Variants in FBXL17 observed in about 807,000 individuals in gnomAD.
FBXL17 encodes F-box/LRR-repeat protein 17.
A neutral mutation model predicts 66.2 loss-of-function variants in FBXL17; 22 were observed. The observed-to-expected ratio is 0.33, with a 90% CI of 0.24 to 0.47. The LOEUF (loss-of-function observed/expected upper bound fraction) is 0.47. Ranked by LOEUF, FBXL17 falls within the 20% of genes least tolerant of loss-of-function variation. The probability of loss-of-function intolerance (pLI) is 1.00; values close to 1 mark genes in which losing one functional copy is unlikely to be tolerated. For synonymous variants in FBXL17, 474 were observed against 400.5 expected, an observed-to-expected ratio of 1.18 and a Z score of -2.19; for missense variants, 878 against 948.2, an observed-to-expected ratio of 0.93 and a Z score of 0.97.
At chr5:108,200,134 C>T (rs1753831061) in intron 5 of FBXL17, among the ~76,000 whole-genome samples, 1 of 152,092 alleles carries the variant, frequency 6.6e-6, no homozygotes, top group African/African-American at 2.4e-5. Flanking sequence ...GCTGGAACCA[C>T]GGAGGAGACA....
At chr5:108,197,204 C>T (rs1425563136) in intron 5 of FBXL17, among the ~76,000 whole-genome samples, 1 of 152,142 alleles carries the variant, frequency 6.6e-6, no homozygotes, top group Admixed American at 6.6e-5. Context: ...AGCCTTGTCA[C>T]TTTTTTACCC....
chr5:108,112,208 G>T (rs1168598227), intron 6 of FBXL17, among the ~76,000 whole-genome samples: 1 of 149,348 alleles, frequency 6.7e-6, no homozygotes, highest in Admixed American at 6.8e-5. Flanking sequence ...TGAGTCTTTG[G>T]TTGAATACTG....
chr5:108,161,149 A>T (rs938395562), intron 6 of FBXL17, among the ~76,000 whole-genome samples: 3 of 120,894 alleles, frequency 2.5e-5, no homozygotes, highest in Non-Finnish European at 5.1e-5. Context: ...GGGAATAATT[A>T]ATCAACAAAT....
intron 6 of FBXL17, among the ~76,000 whole-genome samples, chr5:108,162,437 A>C (rs955289938): frequency 1.3e-5 from 2 of 152,178 alleles, no homozygotes; most frequent in African/African-American, 4.8e-5. Flanking sequence ...TCAAGGTTAC[A>C]GTGACGTATG....
intron 7 of FBXL17, among the ~76,000 whole-genome samples, chr5:107,907,161 C>G (rs1749787545): frequency 6.6e-6 from 1 of 152,174 alleles, no homozygotes; most frequent in South Asian, 2.1e-4. Flanking sequence ...ACCATACCAT[C>G]CATTTACACT....
chr5:108,364,447 G>A (rs936153489), intron 3 of FBXL17, among the ~76,000 whole-genome samples: 5 of 151,792 alleles, frequency 3.3e-5, no homozygotes, highest in African/African-American at 9.7e-5. Flanking sequence ...CCAAAACTAC[G>A]CAGTTGCCCA....
chr5:108,257,387 C>T (rs942327732), intron 4 of FBXL17, among the ~76,000 whole-genome samples: 1 of 151,970 alleles, frequency 6.6e-6, no homozygotes, highest in African/African-American at 2.4e-5. Context: ...ATACATCCAC[C>T]ATGATGAAAC....
At chr5:108,246,787 A>G (rs545734422) in intron 4 of FBXL17, among the ~76,000 whole-genome samples, 1 of 152,366 alleles carries the variant, frequency 6.6e-6, no homozygotes, top group African/African-American at 2.4e-5. Context: ...AGAAAAGATT[A>G]TATGTTAATC....
At position 108,288,785 on chromosome 5, in the gene FBXL17, G is replaced by C. The variant is rs1405352875; in HGVS notation, c.1506+59614C>G. Among the ~76,000 whole-genome samples the C allele has an allele frequency of 3.3e-5, 5 of 152,070 alleles. No homozygotes were observed. The East Asian group carries it at 9.7e-4, about 29-fold the overall frequency. On this transcript the variant is annotated intron_variant, in intron 4 of 8. Coordinates refer to ENST00000542267, the MANE Select transcript of FBXL17 (RefSeq NM_001163315.3). ...AATAACAAAAAAGTTGAAAACAGCT[G>C]TCTCTGTGGAGAAGACTAAAAATGG...
chr5:108,129,992 CATT>C (rs1750869104), intron 6 of FBXL17, among the ~76,000 whole-genome samples: 2 of 151,660 alleles, frequency 1.3e-5, no homozygotes, highest in Admixed American at 1.3e-4. Flanking sequence ...TAAACAATTA[CATT>C]TTTTATGACT....
At chr5:108,155,688 T>C (rs1751967589) in intron 6 of FBXL17, among the ~76,000 whole-genome samples, 1 of 152,172 alleles carries the variant, frequency 6.6e-6, no homozygotes, top group South Asian at 2.1e-4. Flanking sequence ...CCTTCCTAAT[T>C]TCTCTAGCTC....
intron 7 of FBXL17, among the ~76,000 whole-genome samples, chr5:107,931,068 G>A (rs189219139): frequency 1.3e-5 from 2 of 152,200 alleles, no homozygotes; most frequent in East Asian, 1.9e-4. Flanking sequence ...TGAGCAGTCG[G>A]TTGAATTGAG....
chr5:108,289,761 T>C (rs1404200933), intron 4 of FBXL17, among the ~76,000 whole-genome samples: 5 of 152,076 alleles, frequency 3.3e-5, no homozygotes, highest in Non-Finnish European at 7.4e-5. Flanking sequence ...TATGTAAAAA[T>C]CTGAAGAACA....
chr5:108,292,455 G>A (rs183828253), intron 4 of FBXL17, among the ~76,000 whole-genome samples: 95 of 152,048 alleles, frequency 6.2e-4, no homozygotes, highest in African/African-American at 2.2e-3. Flanking sequence ...TCTCTAGTCA[G>A]CCTCATGGTC....
chr5:108,119,241 G>C (rs1750380643), intron 6 of FBXL17, among the ~76,000 whole-genome samples: 1 of 152,208 alleles, frequency 6.6e-6, no homozygotes, highest in South Asian at 2.1e-4. Flanking sequence ...GCTCCTGCCT[G>C]ACCCTGGCAT....
chr5:107,981,471 T>C (rs1411133084), intron 7 of FBXL17, among the ~76,000 whole-genome samples: 1 of 152,232 alleles, frequency 6.6e-6, no homozygotes, highest in African/African-American at 2.4e-5. Context: ...TAGCCCCTTA[T>C]TGGAGCAGAA....
Position 108,223,168 on chromosome 5 carries a change from C to A in FBXL17, c.1614+953G>T, listed in dbSNP as rs17161168. ...GGGTCCTATTCACTGTATGATCCTA[C>A]CATAGTCCTAGGTAACTCATAAACA... On this transcript the variant is annotated intron_variant, in intron 5 of 8. Coordinates refer to ENST00000542267, the MANE Select transcript of FBXL17 (RefSeq NM_001163315.3). Among the ~76,000 whole-genome samples, 129 of 152,200 alleles carry A rather than the reference C, an allele frequency of 8.5e-4. 1 individual carries two copies. The East Asian group carries it at 0.023, about 27-fold the overall frequency.
chr5:108,361,750 G>C (rs60191127), intron 3 of FBXL17, among the ~76,000 whole-genome samples: 49 of 152,114 alleles, frequency 3.2e-4, no homozygotes, highest in African/African-American at 1.1e-3. Flanking sequence ...TTTCCTCCCT[G>C]ACTGGGTTCT....
chr5:107,969,140 G>C (rs1167644173), intron 7 of FBXL17, among the ~76,000 whole-genome samples: 1 of 152,170 alleles, frequency 6.6e-6, no homozygotes, highest in Non-Finnish European at 1.5e-5. Flanking sequence ...CAGCAGCAGA[G>C]ACTAGGTGGC....
Sources: gnomAD v4.1 joint callset for allele counts (sites outside exome capture counted in the v4.1 genomes callset) on GRCh38, gnomAD v4.1.1 for gene constraint, MANE v1.5 for transcripts, NCBI Gene and HGNC (gene_info 2026-07-23, HGNC 2026-07-21) for gene names.